The following CRYBG3 variants were observed in gnomAD, a reference collection of about 807,000 sequenced individuals.
CRYBG3 encodes very large A-kinase anchor protein.
In CRYBG3, 127 loss-of-function variants were observed where a neutral mutation model predicts 244.2. That is an observed-to-expected ratio of 0.52 (90% CI 0.45 to 0.60). The LOEUF (loss-of-function observed/expected upper bound fraction) is 0.60, where lower values mean the gene tolerates loss of function less well. CRYBG3 is among the 20% of genes least tolerant of loss of function. The pLI is 0.00. For synonymous variants in CRYBG3, 1,132 were observed against 1,195.8 expected, an observed-to-expected ratio of 0.95 and a Z score of 1.10; for missense variants, 3,325 against 3,442.5, an observed-to-expected ratio of 0.97 and a Z score of 0.85.
rs2108219164 is a variant in CRYBG3, at chr3:97,876,827, A to G, written c.5633A>G (p.Glu1878Gly). The change falls in exon 4 of 22, where the codon GAA (glutamate) becomes GGA (glycine). Residue 1878 changes from glutamate to glycine, a missense_variant. Transcript: ENST00000389622. ...GAGAAAATACATGGAACAGGACTAG[A>G]ATTGACCACTAAACAAGGGGAGGCC... The part of the protein sequence containing the change: ...DIEKIHGTGL[E>G]LTTKQGEAML... 1 of 1,372,562 alleles carries G rather than the reference A, an allele frequency of 7.3e-7. No individual in the cohort carries two copies. The highest frequency in any genetic ancestry group is 9.4e-7 in the Non-Finnish European group (1 of 1,066,760). 85.0% of individuals were successfully genotyped at this position (1,372,562 alleles called of 1,614,324 possible). A position where few individuals can be genotyped will look rare whatever the true frequency, so the allele number is the denominator to read the frequency against.
chr3:97,823,053 G>T (rs78403414), intron 1 of CRYBG3, among the ~76,000 whole-genome samples: 1,813 of 152,224 alleles, frequency 0.012, 24 homozygotes, highest in African/African-American at 0.041. Context: ...CAGGTTTCCA[G>T]CTGTCTTGGT....
At chr3:97,889,175 G>A (rs1399384998) in intron 9 of CRYBG3, among the ~76,000 whole-genome samples, 180 bp from the exon 10 acceptor site, 1 of 152,128 alleles carries the variant, frequency 6.6e-6, no homozygotes, top group Non-Finnish European at 1.5e-5. Flanking sequence ...CTATAACTTG[G>A]TTTTGGCTAC....
Position 97,898,916 on chromosome 3 carries a change from T to C in CRYBG3, c.7735T>C (p.Ser2579Pro), listed in dbSNP as rs374653992. 14 of 1,605,766 alleles carry C rather than the reference T, an allele frequency of 8.7e-6. No individual in the cohort carries two copies. The highest frequency in any genetic ancestry group is 1.1e-5 in the South Asian group (1 of 89,226). Residue 2579 changes from serine (S) to proline (P), a missense_variant, in exon 13 of 22, where the codon TCT (serine) becomes CCT (proline). Ser to Pro is a moderately conservative substitution (Grantham distance 74). Coordinates refer to ENST00000389622, the MANE Select transcript of CRYBG3 (RefSeq NM_153605.4). ...FIESSVTLFE[S>P]DLESGKFIDI... Reference sequence around the variant, plus strand: ...AGAATCTTCTGTCACACTATTTGAATCTGACCTAGAAAGTGGGAAGTTTAT... The same window carrying C: ...AGAATCTTCTGTCACACTATTTGAACCTGACCTAGAAAGTGGGAAGTTTAT...
intron 7 of CRYBG3, among the ~76,000 whole-genome samples, chr3:97,881,978 G>C (rs573091856): frequency 6.6e-6 from 1 of 151,936 alleles, no homozygotes; most frequent in Non-Finnish European, 1.5e-5. Context: ...GGAGGCTGAG[G>C]TGGGTGGATC....
intron 15 of CRYBG3, among the ~76,000 whole-genome samples, chr3:97,909,214 C>T (rs1254105071): frequency 6.7e-6 from 1 of 148,866 alleles, no homozygotes; most frequent in African/African-American, 2.5e-5. Context: ...GTGAATCTGA[C>T]AATTATGTGT....
intron 15 of CRYBG3, among the ~76,000 whole-genome samples, chr3:97,910,793 A>C (rs916912281): frequency 6.6e-6 from 1 of 152,120 alleles, no homozygotes; most frequent in Non-Finnish European, 1.5e-5. Flanking sequence ...TTTTTTAAAG[A>C]TATTTCTATG....
intron 13 of CRYBG3, 28 bp from the exon 14 acceptor site, chr3:97,899,109 T>G: frequency 6.2e-7 from 1 of 1,600,554 alleles, no homozygotes; most frequent in Non-Finnish European, 8.5e-7. Context: ...TGTTTTTATT[T>G]TTTTGTTTTT....
intron 2 of CRYBG3, among the ~76,000 whole-genome samples, chr3:97,848,059 GC>G (rs1404054110): frequency 6.6e-6 from 1 of 152,068 alleles, no homozygotes. Context: ...TTACATTAAT[GC>G]CCGTATTCAG....
In CRYBG3 at chr3:97,874,936, C is replaced by T; in HGVS notation, c.3742C>T (p.Pro1248Ser). 2 of 1,535,602 alleles carry T rather than the reference C, an allele frequency of 1.3e-6. No individual in the cohort carries two copies. Among genetic ancestry groups the T allele is most frequent in the East Asian group, 2.4e-5 (1 of 40,912 alleles). The change falls in exon 4 of 22, where the codon CCA becomes TCA. Residue 1248 changes from proline to serine, a missense_variant. By Grantham distance (74) the Pro-to-Ser change is moderately conservative (BLOSUM62 -1). Around this residue, in one of 4 missense-constraint regions of CRYBG3, gnomAD observed 1,526 missense variants for 1,443.2 expected, o/e 1.06. Transcript: ENST00000389622. ...GAAAGAAGACATCTCTGAGAAAAAC[C>T]CATCAGAAGTGACACTAACAGAAAT... is the stretch of plus-strand genomic sequence containing the variant. Reference protein sequence around the residue: ...TLKEDISEKNPSEVTLTEIQQ... With the variant: ...TLKEDISEKNSSEVTLTEIQQ...
chr3:97,903,397 C>G (rs1225984262), intron 15 of CRYBG3, among the ~76,000 whole-genome samples: 1 of 151,864 alleles, frequency 6.6e-6, no homozygotes, highest in Non-Finnish European at 1.5e-5. Flanking sequence ...GTAAAGAAAG[C>G]CTTTATGGTT....
chr3:97,878,493 T>C (rs992726840), intron 4 of CRYBG3, among the ~76,000 whole-genome samples: 1 of 152,238 alleles, frequency 6.6e-6, no homozygotes, highest in Admixed American at 6.5e-5. Context: ...GATTCTTTGG[T>C]TGAAATATAT....
intron 17 of CRYBG3, among the ~76,000 whole-genome samples, chr3:97,918,389 GTA>G (rs1393299911): frequency 2.6e-5 from 4 of 152,162 alleles, no homozygotes; most frequent in Non-Finnish European, 5.9e-5. Flanking sequence ...AGCTAGGAGT[GTA>G]GTTCATAGTT....
chr3:97,836,714 G>A lies in CRYBG3; in HGVS notation c.150-6481G>A, dbSNP rs556072712. ...GATGAAGTCCTTGCTGTATTTAAGG[G>A]CCTAAAGGAGGGCTGAGAGGTGGAA... is the stretch of plus-strand genomic sequence containing the variant. On this transcript the variant is annotated intron_variant, in intron 1 of 21. Coordinates refer to ENST00000389622, the MANE Select transcript of CRYBG3 (RefSeq NM_153605.4). Among the ~76,000 whole-genome samples, 9 of 152,240 alleles carry A rather than the reference G, an allele frequency of 5.9e-5. 1 individual carries two copies. The highest frequency in any genetic ancestry group is 2.2e-4 in the African/African-American group (9 of 41,564).
chr3:97,864,048 G>A (rs2039189943), intron 2 of CRYBG3, among the ~76,000 whole-genome samples, 169 bp from the exon 3 acceptor site: 1 of 152,134 alleles, frequency 6.6e-6, no homozygotes, highest in African/African-American at 2.4e-5. Flanking sequence ...TAAAGGTCAT[G>A]CTTACTGTGC....
chr3:97,834,499 C>G (rs1307963795), intron 1 of CRYBG3, among the ~76,000 whole-genome samples: 1 of 152,086 alleles, frequency 6.6e-6, no homozygotes, highest in East Asian at 1.9e-4. Flanking sequence ...CTTGTAACTA[C>G]TATGCTTCTT....
chr3:97,937,043 G>C (rs1360658083), intron 19 of CRYBG3, 135 bp downstream of exon 19: 1 of 925,300 alleles, frequency 1.1e-6, no homozygotes, highest in Non-Finnish European at 1.6e-6. Context: ...TTAGGATGCG[G>C]ATATCTTGTA....
intron 16 of CRYBG3, among the ~76,000 whole-genome samples, chr3:97,913,099 C>A (rs566799046): frequency 4.1e-4 from 62 of 152,224 alleles, no homozygotes; most frequent in Admixed American, 9.8e-4. Context: ...TTAATTACCC[C>A]CTGCTTCAGT....
chr3:97,878,057 G>T lies in CRYBG3; in HGVS notation c.6843+20G>T. 2 of 1,560,978 alleles carry T rather than the reference G, an allele frequency of 1.3e-6. No homozygotes were observed. Among genetic ancestry groups the T allele is most frequent in the Non-Finnish European group, 1.7e-6 (2 of 1,154,794 alleles). ...ATAGAGGTAAGTTATTTTGTTTATT[G>T]TATTAATAATAGTTATTAAAGCTTT... On this transcript the variant is annotated intron_variant, in intron 4 of 21. Transcript: ENST00000389622.
chr3:97,833,668 G>A (rs2038688121), intron 1 of CRYBG3, among the ~76,000 whole-genome samples: 1 of 152,056 alleles, frequency 6.6e-6, no homozygotes, highest in Non-Finnish European at 1.5e-5. Context: ...GTACACCTAT[G>A]TAACAAACCT....
Sources: allele counts gnomAD v4.1 joint callset (sites outside exome capture counted in the v4.1 genomes callset), GRCh38; gene constraint gnomAD v4.1.1; regional missense constraint gnomAD v4.1.1; transcripts MANE v1.5; gene names NCBI Gene and HGNC (gene_info 2026-07-23, HGNC 2026-07-21).